FAM107B: variants seen among roughly 807,000 people sequenced by gnomAD.
FAM107B encodes the protein protein FAM107B.
In FAM107B, 21 loss-of-function variants were observed where a neutral mutation model predicts 31.5. The ratio of observed to expected loss-of-function variants is 0.67; its 90% confidence interval spans 0.47 to 0.96. FAM107B has a LOEUF of 0.96. FAM107B is among the 40% of genes least tolerant of loss of function. The pLI is 0.00. For missense variants in FAM107B, 452 were observed against 377.1 expected (o/e 1.20, Z -1.64); for synonymous variants, 157 against 141.5 (o/e 1.11, Z -0.78).
At chr10:14,757,697 C>T (rs2131587667) in intron 1 of FAM107B, among the ~76,000 whole-genome samples, 1 of 152,294 alleles carries the variant, frequency 6.6e-6, no homozygotes, top group South Asian at 2.1e-4. Flanking sequence ...CAGGAAATCT[C>T]TAGCAGCTAA....
intron 2 of FAM107B, among the ~76,000 whole-genome samples, chr10:14,634,028 T>C (rs1056024277): frequency 3.0e-4 from 46 of 152,154 alleles, no homozygotes; most frequent in African/African-American, 1.1e-3. Context: ...ATAAAGTAGA[T>C]TGTGATGTTT....
At position 14,578,475 on chromosome 10, in the gene FAM107B, C is replaced by T. The variant is rs573276596; in HGVS notation, c.470-47960G>A. Among the ~76,000 whole-genome samples the T allele has an allele frequency of 3.3e-5, 5 of 152,292 alleles. No individual in the cohort carries two copies. In the East Asian group the frequency reaches 9.6e-4, roughly 29 times the overall value. ...GGAGATTCTGAAATAACACTACTGG[C>T]TTATAAATATGACAAGCCTTCACTG... On this transcript the variant is annotated intron_variant, in intron 2 of 4. Coordinates refer to ENST00000181796, the MANE Select transcript of FAM107B (RefSeq NM_031453.4).
intron 2 of FAM107B, among the ~76,000 whole-genome samples, chr10:14,616,083 T>C (rs1456147858): frequency 6.6e-6 from 1 of 152,220 alleles, no homozygotes; most frequent in Non-Finnish European, 1.5e-5. Context: ...AGGTTGGATA[T>C]GTCCCTGCTA....
chr10:14,735,723 C>G (rs1425895133), intron 1 of FAM107B, among the ~76,000 whole-genome samples: 1 of 152,140 alleles, frequency 6.6e-6, no homozygotes, highest in African/African-American at 2.4e-5. Flanking sequence ...TGCCAGTCCT[C>G]TCTGAGCCAG....
At chr10:14,604,346 G>A in intron 2 of FAM107B, 2 of 752,088 alleles carry the variant, frequency 2.7e-6, no homozygotes, top group Non-Finnish European at 3.2e-6. Context: ...CGGCGCGAGG[G>A]CGGCTCCGGG....
chr10:14,617,707 G>A (rs1034266084), intron 2 of FAM107B, among the ~76,000 whole-genome samples: 3 of 150,586 alleles, frequency 2.0e-5, no homozygotes, highest in Non-Finnish European at 2.9e-5. Context: ...GGTGCTGTCC[G>A]GTCAGGAGTA....
At chr10:14,757,877 A>C (rs1029159611) in intron 1 of FAM107B, among the ~76,000 whole-genome samples, 1 of 152,150 alleles carries the variant, frequency 6.6e-6, no homozygotes, top group African/African-American at 2.4e-5. Flanking sequence ...TCTCTTCACA[A>C]AACCATCTGG....
chr10:14,720,735 G>C (rs1214885064), intron 1 of FAM107B, among the ~76,000 whole-genome samples: 1 of 152,150 alleles, frequency 6.6e-6, no homozygotes, highest in Non-Finnish European at 1.5e-5. Context: ...AACATTTGAA[G>C]AACCAAAGTA....
At chr10:14,630,894 G>T (rs772098317) in intron 2 of FAM107B, among the ~76,000 whole-genome samples, 8 of 151,798 alleles carry the variant, frequency 5.3e-5, no homozygotes, top group Non-Finnish European at 8.8e-5. Flanking sequence ...ATAAAATAAA[G>T]TAGAACATCA....
At chr10:14,641,252 C>G (rs1369296887) in intron 2 of FAM107B, among the ~76,000 whole-genome samples, 3 of 152,158 alleles carry the variant, frequency 2.0e-5, no homozygotes, top group Non-Finnish European at 4.4e-5. Flanking sequence ...ATATTAAGTA[C>G]CGATTTTGAC....
chr10:14,774,048 C>T (rs980263388), intron 1 of FAM107B, among the ~76,000 whole-genome samples: 1 of 152,184 alleles, frequency 6.6e-6, no homozygotes, highest in African/African-American at 2.4e-5. Flanking sequence ...GGCTCCAGTG[C>T]TTATTATCAT....
At chr10:14,732,711 A>T (rs111277020) in intron 1 of FAM107B, among the ~76,000 whole-genome samples, 5,218 of 150,972 alleles carry the variant, frequency 0.035, 133 homozygotes, top group Non-Finnish European at 0.055. Context: ...GAAGGCATAC[A>T]TAATAATAAT....
chr10:14,537,718 C>A (rs756882997), intron 2 of FAM107B, among the ~76,000 whole-genome samples: 1 of 151,758 alleles, frequency 6.6e-6, no homozygotes, highest in Non-Finnish European at 1.5e-5. Flanking sequence ...ACCTGTAATA[C>A]CAGCTACTCG....
In FAM107B at chr10:14,556,392, C is replaced by A. The variant is rs549173321; in HGVS notation, c.470-25877G>T. On this transcript the variant is annotated intron_variant, in intron 2 of 4. Coordinates refer to ENST00000181796, the MANE Select transcript of FAM107B (RefSeq NM_031453.4). ...AGTTTCTGGACTGTTCAGGGCTTGA[C>A]CAGGATTCTCTGGCTGAAAAAGGAA... The A allele has an allele frequency of 2.1e-4, 211 of 985,438 alleles. No individual in the cohort carries two copies. The African/African-American group carries it at 3.6e-3, about 17-fold the overall frequency. The allele number at this position is 985,438 out of a possible 1,614,324, so 61.0% of individuals were successfully genotyped here. A position where few individuals can be genotyped will look rare whatever the true frequency, so the allele number is the denominator to read the frequency against.
intron 1 of FAM107B, among the ~76,000 whole-genome samples, chr10:14,716,569 T>A (rs1294817985): frequency 1.3e-5 from 2 of 152,194 alleles, no homozygotes; most frequent in Non-Finnish European, 2.9e-5. Context: ...AGTTCCTATA[T>A]CTGCCTCATA....
Position 14,531,539 on chromosome 10 carries a change from G to GA in FAM107B, c.470-1025dup, listed in dbSNP as rs59782461. Among the ~76,000 whole-genome samples, 624 of 120,694 alleles carry GA rather than the reference G, an allele frequency of 5.2e-3. 4 individuals carry two copies. The highest frequency in any genetic ancestry group is 0.014 in the African/African-American group (480 of 33,230). 79.2% of individuals were successfully genotyped at this position (120,694 alleles called of 152,430 possible). ...AAGACCTCATATCTCTAAAAGAAAA[G>GA]AAAAAAAAAAAAAAAAAAGAGGCTG... On this transcript the variant is annotated intron_variant, in intron 2 of 4. Transcript: ENST00000181796.
At chr10:14,615,148 G>A (rs1419785533) in intron 2 of FAM107B, among the ~76,000 whole-genome samples, 2 of 152,112 alleles carry the variant, frequency 1.3e-5, no homozygotes, top group African/African-American at 2.4e-5. Context: ...GTCCAATATA[G>A]TGAAAACTCA....
chr10:14,656,271 C>T (rs1049889778), intron 2 of FAM107B, among the ~76,000 whole-genome samples: 1 of 152,028 alleles, frequency 6.6e-6, no homozygotes, highest in Non-Finnish European at 1.5e-5. Context: ...GGCATGGGGG[C>T]GATAAAGAGG....
At chr10:14,697,108 C>T (rs1390023873) in intron 1 of FAM107B, among the ~76,000 whole-genome samples, 2 of 152,154 alleles carry the variant, frequency 1.3e-5, no homozygotes, top group East Asian at 1.9e-4. Flanking sequence ...TGGCTCAAAG[C>T]TTGGATGGGG....
Sources: allele counts gnomAD v4.1 joint callset (sites outside exome capture counted in the v4.1 genomes callset), GRCh38; gene constraint gnomAD v4.1.1; transcripts MANE v1.5; gene names NCBI Gene and HGNC (gene_info 2026-07-23, HGNC 2026-07-21).